ZCCHC17: variants seen among roughly 807,000 people sequenced by gnomAD.
ZCCHC17 encodes the protein zinc finger CCHC domain-containing protein 17.
In ZCCHC17, 18 loss-of-function variants were observed where a neutral mutation model predicts 30.6. The observed-to-expected ratio is 0.59, with a 90% CI of 0.41 to 0.87. The LOEUF (loss-of-function observed/expected upper bound fraction) is 0.87, where lower values mean the gene tolerates loss of function less well. Ranked by LOEUF, ZCCHC17 falls within the 40% of genes least tolerant of loss-of-function variation. The probability of loss-of-function intolerance (pLI) is 0.00; values close to 1 mark genes in which losing one functional copy is unlikely to be tolerated. For missense variants in ZCCHC17, 263 were observed against 284.2 expected (o/e 0.93, Z 0.54); for synonymous variants, 88 against 92.4 (o/e 0.95, Z 0.27).
chr1:31,324,499 T>C (rs576359804), intron 3 of ZCCHC17, among the ~76,000 whole-genome samples: 2 of 152,308 alleles, frequency 1.3e-5, no homozygotes, highest in South Asian at 2.1e-4. Flanking sequence ...ATCCCTGCAC[T>C]CTTGGAGGTC....
At chr1:31,343,876 C>T (rs1410024337) in intron 5 of ZCCHC17, among the ~76,000 whole-genome samples, 1 of 101,834 alleles carries the variant, frequency 9.8e-6, no homozygotes, top group African/African-American at 4.3e-5. Context: ...TTTTTTGAGA[C>T]AAGAGTTTCA....
chr1:31,358,836 A>G (rs1240179261), intron 7 of ZCCHC17, among the ~76,000 whole-genome samples: 1 of 152,194 alleles, frequency 6.6e-6, no homozygotes, highest in Non-Finnish European at 1.5e-5. Context: ...TTTGGGAGTC[A>G]TCTACATATA....
chr1:31,362,558 G>C (rs1011470776), intron 7 of ZCCHC17, among the ~76,000 whole-genome samples: 13 of 152,170 alleles, frequency 8.5e-5, no homozygotes, highest in African/African-American at 2.7e-4. Flanking sequence ...TTTTGGGAAT[G>C]TTCTTTCTCA....
chr1:31,363,232 G>A (rs61780771), intron 7 of ZCCHC17, among the ~76,000 whole-genome samples: 6 of 146,042 alleles, frequency 4.1e-5, no homozygotes, highest in Admixed American at 2.8e-4. Flanking sequence ...CGCCAAGGCT[G>A]GAGTGCAGTG....
At chr1:31,339,464 T>C (rs1195403535) in intron 5 of ZCCHC17, among the ~76,000 whole-genome samples, 2 of 152,140 alleles carry the variant, frequency 1.3e-5, no homozygotes, top group Non-Finnish European at 2.9e-5. Context: ...GCTGAGATCA[T>C]GCCACTGCAC....
chr1:31,333,133 T>C (rs1415397662), intron 3 of ZCCHC17: 1 of 152,180 alleles, frequency 6.6e-6, no homozygotes, highest in African/African-American at 2.4e-5. Flanking sequence ...TTTCCAGTTT[T>C]TCACTGCTAA....
chr1:31,322,566 A>C (rs1569811741), intron 3 of ZCCHC17, among the ~76,000 whole-genome samples: 1 of 152,188 alleles, frequency 6.6e-6, no homozygotes, highest in South Asian at 2.1e-4. Flanking sequence ...CTCTTGGCAC[A>C]TGGATGTGTT....
chr1:31,324,023 C>G (rs1325683093), intron 3 of ZCCHC17, among the ~76,000 whole-genome samples: 1 of 152,152 alleles, frequency 6.6e-6, no homozygotes, highest in African/African-American at 2.4e-5. Context: ...CAGAAAGATG[C>G]CATGGAAGGT....
chr1:31,344,993 G>A (rs568042893), intron 5 of ZCCHC17, among the ~76,000 whole-genome samples: 69 of 151,350 alleles, frequency 4.6e-4, no homozygotes, highest in Non-Finnish European at 9.4e-4. Flanking sequence ...CGAGTTGCTG[G>A]GACTACAAAC....
In ZCCHC17 at chr1:31,340,044, C is replaced by T. The variant is rs74358217; in HGVS notation, c.317+996C>T. ...TAATCACGGCTTACTGCAGTCTTGA[C>T]CTCCCAAGCCCAAGCTATCCTCCCA... On this transcript the variant is annotated intron_variant, in intron 5 of 7. Transcript: ENST00000344147. Among the ~76,000 whole-genome samples the T allele has an allele frequency of 2.2e-4, 30 of 138,746 alleles. No individual in the cohort carries two copies. In the East Asian group the frequency reaches 5.9e-3, roughly 28 times the overall value. The allele number at this position is 138,746 out of a possible 152,430, so 91.0% of individuals were successfully genotyped here.
chr1:31,333,418 G>A (rs951647072), intron 3 of ZCCHC17, among the ~76,000 whole-genome samples: 3 of 152,160 alleles, frequency 2.0e-5, no homozygotes, highest in African/African-American at 7.2e-5. Flanking sequence ...AGCTACTCGG[G>A]AGGCTGAGGC....
rs200910363 is a variant in ZCCHC17, at chr1:31,338,992, G to A, written c.261G>A (p.Met87Ile). 56 of 1,612,470 alleles carry A rather than the reference G, an allele frequency of 3.5e-5. No individual in the cohort carries two copies. Among genetic ancestry groups the A allele is most frequent in the Non-Finnish European group, 4.6e-5 (54 of 1,179,674 alleles). Residue 87 changes from methionine (M) to isoleucine (I), a missense_variant, in exon 5 of 8, where the codon ATG becomes ATA. Coordinates refer to ENST00000344147, the MANE Select transcript of ZCCHC17 (RefSeq NM_016505.4). Reference sequence around the variant, plus strand: ...ATAGAATAAAAGTATCCCTCTCCATGAAGGTTGTCAATCAAGGGACTGGGA... The same window carrying A: ...ATAGAATAAAAGTATCCCTCTCCATAAAGGTTGTCAATCAAGGGACTGGGA... ...KNDRIKVSLS[M>I]KVVNQGTGKD...
At chr1:31,356,422 G>A (rs1639645049) in intron 7 of ZCCHC17, among the ~76,000 whole-genome samples, 1 of 152,234 alleles carries the variant, frequency 6.6e-6, no homozygotes, top group East Asian at 1.9e-4. Flanking sequence ...TAAGAAGACA[G>A]AAAATGGTAG....
At chr1:31,298,899 A>T (rs916327021) in intron 1 of ZCCHC17, among the ~76,000 whole-genome samples, 1 of 152,272 alleles carries the variant, frequency 6.6e-6, no homozygotes, top group Non-Finnish European at 1.5e-5. Context: ...GGTGAAGAAC[A>T]GGTGAACCTA....
chr1:31,333,011 G>T (rs1165822689), intron 3 of ZCCHC17: 2 of 152,052 alleles, frequency 1.3e-5, no homozygotes, highest in Non-Finnish European at 1.5e-5. Flanking sequence ...AAAATGTGTA[G>T]TTTTTTGCAC....
At chr1:31,313,104 A>G (rs1339203677) in intron 2 of ZCCHC17, among the ~76,000 whole-genome samples, 1 of 141,064 alleles carries the variant, frequency 7.1e-6, no homozygotes, top group Non-Finnish European at 1.5e-5. Flanking sequence ...TTTTGAGACA[A>G]GATCTCACTC....
At chr1:31,330,141 T>G (rs1638526107) in intron 3 of ZCCHC17, among the ~76,000 whole-genome samples, 1 of 152,202 alleles carries the variant, frequency 6.6e-6, no homozygotes, top group South Asian at 2.1e-4. Context: ...TCTAATGATT[T>G]GAGATTTTCA....
At chr1:31,351,722 A>G (rs1277614403) in intron 7 of ZCCHC17, among the ~76,000 whole-genome samples, 1 of 152,160 alleles carries the variant, frequency 6.6e-6, no homozygotes, top group Non-Finnish European at 1.5e-5. Context: ...TGTCCGGGCA[A>G]CAGAGCGAGA....
chr1:31,340,471 C>T (rs1456448209), intron 5 of ZCCHC17, among the ~76,000 whole-genome samples: 1 of 152,134 alleles, frequency 6.6e-6, no homozygotes, highest in East Asian at 1.9e-4. Flanking sequence ...GCATGTGCCA[C>T]CATGCCCGGC....
Sources: gnomAD v4.1 joint callset for allele counts (sites outside exome capture counted in the v4.1 genomes callset) on GRCh38, gnomAD v4.1.1 for gene constraint, MANE v1.5 for transcripts, NCBI Gene and HGNC (gene_info 2026-07-23, HGNC 2026-07-21) for gene names.